TRIM36: variants seen among roughly 807,000 people sequenced by gnomAD.
The protein encoded by TRIM36 is E3 ubiquitin-protein ligase TRIM36.
Under a neutral mutation model 72.4 loss-of-function variants are expected in TRIM36, and 42 were observed. That is an observed-to-expected ratio of 0.58 (90% CI 0.45 to 0.75). The LOEUF (loss-of-function observed/expected upper bound fraction) is 0.75, where lower values mean the gene tolerates loss of function less well. TRIM36 is among the 30% of genes least tolerant of loss of function. The probability of loss-of-function intolerance (pLI) is 0.00; values close to 1 mark genes in which losing one functional copy is unlikely to be tolerated. For missense variants in TRIM36, 913 were observed against 857.1 expected (o/e 1.07, Z -0.81); for synonymous variants, 315 against 282.8 (o/e 1.11, Z -1.14).
At chr5:115,138,436 AT>A (rs2112804653) in intron 5 of TRIM36, among the ~76,000 whole-genome samples, 1 of 152,260 alleles carries the variant, frequency 6.6e-6, no homozygotes, top group South Asian at 2.1e-4. Flanking sequence ...AAAATATGAC[AT>A]TCTTTACTAA....
At chr5:115,179,760 C>T (rs1755528900) in intron 1 of TRIM36, among the ~76,000 whole-genome samples, 1 of 152,260 alleles carries the variant, frequency 6.6e-6, no homozygotes, top group African/African-American at 2.4e-5. Flanking sequence ...CCGAAAGTCC[C>T]CTCTTGGCTT....
At chr5:115,166,832 A>C (rs1007554138) in intron 1 of TRIM36, among the ~76,000 whole-genome samples, 1 of 152,086 alleles carries the variant, frequency 6.6e-6, no homozygotes, top group Non-Finnish European at 1.5e-5. Context: ...CATGTTCCAC[A>C]GTGCTTGTAG....
intron 7 of TRIM36, 99 bp downstream of exon 7, chr5:115,136,901 G>A: frequency 8.0e-7 from 1 of 1,247,158 alleles, no homozygotes; most frequent in Non-Finnish European, 1.1e-6. Context: ...CAAGTGAGAT[G>A]CTGCTTTATA....
chr5:115,137,984 TGAA>T (rs545953941), intron 5 of TRIM36, among the ~76,000 whole-genome samples: 106 of 152,320 alleles, frequency 7.0e-4, no homozygotes, highest in African/African-American at 2.4e-3. Flanking sequence ...TAAAGGAATA[TGAA>T]GGAGAAATGA....
chr5:115,164,209 A>C (rs1188105065), intron 1 of TRIM36, among the ~76,000 whole-genome samples: 1 of 152,216 alleles, frequency 6.6e-6, no homozygotes, highest in Non-Finnish European at 1.5e-5. Context: ...TAGCTGAGTC[A>C]GTATGTTCAT....
chr5:115,167,370 T>C (rs1310742736), intron 1 of TRIM36, among the ~76,000 whole-genome samples: 1 of 152,220 alleles, frequency 6.6e-6, no homozygotes, highest in Non-Finnish European at 1.5e-5. Flanking sequence ...GAGTCTTTTT[T>C]ACTTAAGCAA....
chr5:115,132,198 GTGTGTGTA>G (rs1752723400), intron 8 of TRIM36, among the ~76,000 whole-genome samples: 1 of 149,710 alleles, frequency 6.7e-6, no homozygotes, highest in African/African-American at 2.5e-5. Flanking sequence ...GTGTGTGTGT[GTGTGTGTA>G]TATATATATA....
intron 8 of TRIM36, among the ~76,000 whole-genome samples, chr5:115,132,811 G>GT (rs1455847413): frequency 2.6e-5 from 4 of 152,066 alleles, no homozygotes; most frequent in Non-Finnish European, 5.9e-5. Flanking sequence ...TTATGTCCAG[G>GT]TTTTTCTTCC....
Position 115,143,222 on chromosome 5 carries a change from C to CAA in TRIM36, c.735+1374_735+1375dup, listed in dbSNP as rs59083853. On this transcript the variant is annotated intron_variant, in intron 4 of 9. Coordinates refer to ENST00000513154, the MANE Select transcript of TRIM36 (RefSeq NM_001300759.2). Reference sequence around the variant, plus strand: ...GAGTGCCTGTTCCCCACCAGCCAGACAAAAAAAAAAAAAAAAAAAAAAAAA... The same window carrying CAA: ...GAGTGCCTGTTCCCCACCAGCCAGACAAAAAAAAAAAAAAAAAAAAAAAAAAA... Among the ~76,000 whole-genome samples, 164 of 57,488 alleles carry CAA rather than the reference C, an allele frequency of 2.9e-3. 30 individuals are homozygous for CAA. Among genetic ancestry groups the CAA allele is most frequent in the Non-Finnish European group, 3.8e-3 (133 of 34,632 alleles). The allele number at this position is 57,488 out of a possible 152,430, so 37.7% of individuals were successfully genotyped here. A position where few individuals can be genotyped will look rare whatever the true frequency, so the allele number is the denominator to read the frequency against.
upstream of TRIM36, chr5:115,180,235 G>A (rs895019435): frequency 5.8e-6 from 3 of 514,626 alleles, no homozygotes; most frequent in Non-Finnish European, 6.8e-6. Context: ...CTCCCGGGCA[G>A]CCTCGCCCGG....
In TRIM36 at chr5:115,134,122, C is replaced by T. The variant is rs966213831; in HGVS notation, c.1236G>A (p.Glu412=). 1 of 1,598,764 alleles carries T rather than the reference C, an allele frequency of 6.3e-7. No individual in the cohort carries two copies. The highest frequency in any genetic ancestry group is 1.3e-5 in the African/African-American group (1 of 74,264). ...CATTGTTATAAACTTTGCTCTGTTC[C>T]TCATTGATCTCTGGCACGTCTATGC... The part of the protein sequence containing the change: ...SSGIDVPEIN[E]EQSKVYNNAL... The change falls in exon 8 of 10, where the codon GAG becomes GAA. Residue 412 remains glutamate (E), a synonymous_variant. Coordinates refer to ENST00000513154, the MANE Select transcript of TRIM36 (RefSeq NM_001300759.2).
intron 5 of TRIM36, among the ~76,000 whole-genome samples, chr5:115,138,131 G>A (rs543498949): frequency 3.9e-4 from 60 of 152,194 alleles, no homozygotes; most frequent in African/African-American, 1.3e-3. Context: ...ACAGAGTCTC[G>A]CTCTGTCGCA....
At chr5:115,163,106 C>T (rs759406966) in intron 2 of TRIM36, among the ~76,000 whole-genome samples, 4 of 151,948 alleles carry the variant, frequency 2.6e-5, no homozygotes, top group Non-Finnish European at 4.4e-5. Context: ...TACAGGCACG[C>T]GTCACCACAC....
At position 115,134,084 on chromosome 5, in the gene TRIM36, C is replaced by G. The variant is rs1752834448; in HGVS notation, c.1274G>C (p.Trp425Ser). Residue 425 changes from tryptophan to serine, a missense_variant, in exon 8 of 10, where the codon TGG becomes TCG. Physicochemically the swap from Trp to Ser is radical, Grantham distance 177 (BLOSUM62 -3). Transcript: ENST00000513154. ...AGCTTTATCCTTTTCTGGATGGTGC[C>G]AATTTATCAAGGCATTGTTATAAAC... ...SKVYNNALIN[W>S]HHPEKDKADS... The G allele has an allele frequency of 6.2e-7, 1 of 1,612,948 alleles. No homozygotes were observed. Among genetic ancestry groups the G allele is most frequent in the Admixed American group, 1.7e-5 (1 of 59,838 alleles).
intron 1 of TRIM36, among the ~76,000 whole-genome samples, chr5:115,165,272 G>A (rs1412017457): frequency 1.3e-5 from 2 of 152,178 alleles, no homozygotes; most frequent in Non-Finnish European, 2.9e-5. Context: ...TGCCCCAGTG[G>A]GGACTCTGTG....
chr5:115,177,419 T>C, intron 1 of TRIM36: 1 of 750,232 alleles, frequency 1.3e-6, no homozygotes, highest in Non-Finnish European at 1.7e-6. Context: ...ACTACAGGCC[T>C]CTACTCTCTT....
At chr5:115,147,620 A>G (rs1026671257) in intron 2 of TRIM36, among the ~76,000 whole-genome samples, 6 of 152,238 alleles carry the variant, frequency 3.9e-5, no homozygotes, top group African/African-American at 1.4e-4. Flanking sequence ...AAAAAGGAAA[A>G]TATTCTACAG....
At chr5:115,149,748 T>C (rs1266688820) in intron 2 of TRIM36, 1 of 151,956 alleles carries the variant, frequency 6.6e-6, no homozygotes, top group African/African-American at 2.4e-5. Flanking sequence ...GCTATCTTTC[T>C]AAACAGATCT....
intron 1 of TRIM36, among the ~76,000 whole-genome samples, chr5:115,164,430 T>C (rs977747578): frequency 6.6e-6 from 1 of 152,212 alleles, no homozygotes; most frequent in Non-Finnish European, 1.5e-5. Flanking sequence ...GAGATTTAAG[T>C]GACTCACAGT....
Sources: allele counts gnomAD v4.1 joint callset (sites outside exome capture counted in the v4.1 genomes callset), GRCh38; gene constraint gnomAD v4.1.1; transcripts MANE v1.5; gene names NCBI Gene and HGNC (gene_info 2026-07-23, HGNC 2026-07-21).